DCHS2: variants seen among roughly 807,000 people sequenced by gnomAD.
DCHS2 encodes the protein protocadherin-23.
A neutral mutation model predicts 182.4 loss-of-function variants in DCHS2; 142 were observed. That is an observed-to-expected ratio of 0.78 (90% confidence interval 0.68 to 0.89). The LOEUF (loss-of-function observed/expected upper bound fraction) is 0.89, where lower values mean the gene tolerates loss of function less well. Among genes scored for constraint, DCHS2 ranks in the 40% least tolerant of loss-of-function variants. The pLI, the probability that DCHS2 is intolerant of heterozygous loss-of-function variation, is 0.00. For synonymous variants in DCHS2, 1,740 were observed against 1,663.3 expected (o/e 1.05, Z -1.12); for missense variants, 4,319 against 4,198.6 (o/e 1.03, Z -0.79).
chr4:154,449,498 G>A (rs1025418319), intron 1 of DCHS2, among the ~76,000 whole-genome samples: 5 of 151,806 alleles, frequency 3.3e-5, no homozygotes, highest in Admixed American at 2.6e-4. Context: ...AGCCTCCCTA[G>A]TAGCTGGGAC....
At chr4:154,289,631 CA>C (rs965447220) in intron 13 of DCHS2, among the ~76,000 whole-genome samples, 1 of 151,588 alleles carries the variant, frequency 6.6e-6, no homozygotes, top group Admixed American at 6.6e-5. Flanking sequence ...TAAGAGACAT[CA>C]AAAAAAGAGA....
Position 154,490,438 on chromosome 4 carries a change from G to C in DCHS2, c.918C>G (p.Arg306=), listed in dbSNP as rs1403063544. Residue 306 remains arginine, a synonymous_variant, in exon 1 of 20, where the codon CGC becomes CGG. Transcript: ENST00000357232. ...FEQDEYRAAV[R]EDAQPGAEVC... ...CCTCGGCGCCCGGCTGGGCGTCCTC[G>C]CGCACCGCGGCGCGGTACTCGTCCT... 6.5e-7 allele frequency: 1 copy of C among 1,534,468 alleles called. No homozygotes were observed.
At chr4:154,403,587 T>C (rs568874704) in intron 1 of DCHS2, among the ~76,000 whole-genome samples, 2 of 152,284 alleles carry the variant, frequency 1.3e-5, no homozygotes, top group South Asian at 4.1e-4. Context: ...TCATTAGAGA[T>C]ACTGGCTGTA....
rs1729907935 is a variant in DCHS2, at chr4:154,357,136, C to T, written c.2476+9074G>A. ...CTTTGGCCTGCGAAGTTGTTTAAAA[C>T]TCACTTTCTCATATAGGTGCTTTCA... On this transcript the variant is annotated intron_variant, in intron 3 of 19. Transcript: ENST00000357232. 2.0e-5 allele frequency: 17 copies of T among 856,816 alleles called. No homozygotes were observed. In the South Asian group the frequency reaches 2.6e-4, roughly 13 times the overall value. 53.1% of individuals were successfully genotyped at this position (856,816 alleles called of 1,614,324 possible). A position where few individuals can be genotyped will look rare whatever the true frequency, so the allele number is the denominator to read the frequency against.
chr4:154,389,295 C>A (rs1228890976), intron 1 of DCHS2, among the ~76,000 whole-genome samples: 2 of 151,916 alleles, frequency 1.3e-5, no homozygotes, highest in African/African-American at 4.8e-5. Flanking sequence ...GAGGCTGGAT[C>A]TGGGCCATGT....
chr4:154,482,366 A>G lies in DCHS2; in HGVS notation c.2052+6938T>C, dbSNP rs77728155. ...ATTTTTTTCACAACTTCTTGACACT[A>G]ACAGATGAGAAAGAAGGCCACTTTT... On this transcript the variant is annotated intron_variant, in intron 1 of 19. Transcript: ENST00000357232. Among the ~76,000 whole-genome samples, 75 of 152,320 alleles carry G rather than the reference A, an allele frequency of 4.9e-4. No homozygotes were observed. In the East Asian group the frequency reaches 0.014, roughly 28 times the overall value.
intron 1 of DCHS2, among the ~76,000 whole-genome samples, chr4:154,452,146 C>T (rs1311676283): frequency 6.6e-6 from 1 of 152,102 alleles, no homozygotes; most frequent in Non-Finnish European, 1.5e-5. Context: ...GGTTTGTGCC[C>T]ATGTTGATAT....
At chr4:154,250,966 T>C (rs1732322268) in intron 16 of DCHS2, among the ~76,000 whole-genome samples, 2 of 152,228 alleles carry the variant, frequency 1.3e-5, no homozygotes, top group African/African-American at 4.8e-5. Context: ...CTGTACTACT[T>C]GCTACTTCCA....
rs143833790 is a variant in DCHS2 at position 154,377,388 on chromosome 4, A to G, written c.2109T>C (p.Tyr703=). 1.2e-6 allele frequency: 2 copies of G among 1,613,502 alleles called. No individual in the cohort carries two copies. The highest frequency in any genetic ancestry group is 2.7e-5 in the African/African-American group (2 of 74,880). Residue 703 remains tyrosine (Y), a synonymous_variant, in exon 2 of 20, where the codon TAT becomes TAC. Transcript: ENST00000357232. The stretch of plus-strand genomic sequence containing the variant: ...GTGCTTCATAGCTCAGGAATCCATC[A>G]TAAAGAGAATATTCAATAAAGCCAT... ...GLYGFIEYSL[Y]DGFLSYEAPQ... is the part of the protein sequence containing the mutation.
chr4:154,320,198 G>A (rs1388316539), intron 9 of DCHS2, among the ~76,000 whole-genome samples, 181 bp downstream of exon 9: 1 of 152,092 alleles, frequency 6.6e-6, no homozygotes, highest in African/African-American at 2.4e-5. Flanking sequence ...AGGGAAAATG[G>A]GAGAAACTAA....
chr4:154,473,849 G>A (rs1243943510), intron 1 of DCHS2, among the ~76,000 whole-genome samples: 1 of 152,124 alleles, frequency 6.6e-6, no homozygotes, highest in African/African-American at 2.4e-5. Flanking sequence ...AAACATTTAG[G>A]AAGTAAGTGG....
chr4:154,333,762 C>CCTAGGCTA, intron 4 of DCHS2: 1 of 424,884 alleles, frequency 2.4e-6, no homozygotes, highest in Non-Finnish European at 4.2e-6. Context: ...AGCCTAGGAG[C>CCTAGGCTA]AATCGACTGT....
intron 14 of DCHS2, among the ~76,000 whole-genome samples, chr4:154,264,020 C>A (rs938231541): frequency 5.9e-5 from 9 of 152,028 alleles, no homozygotes; most frequent in South Asian, 2.1e-4. Context: ...TTAGTTTAAG[C>A]CTGAATTTAT....
intron 13 of DCHS2, among the ~76,000 whole-genome samples, chr4:154,277,770 G>A (rs895116409): frequency 6.6e-6 from 1 of 152,124 alleles, no homozygotes; most frequent in African/African-American, 2.4e-5. Context: ...ACTGAGTGCA[G>A]TGGTTCATGC....
chr4:154,279,983 TGAGACA>T (rs1200751505), intron 13 of DCHS2, among the ~76,000 whole-genome samples: 3 of 151,540 alleles, frequency 2.0e-5, no homozygotes, highest in African/African-American at 2.4e-5. Flanking sequence ...GCTAGACTAA[TGAGACA>T]GAGACAGAGA....
At chr4:154,408,033 T>C (rs573503238) in intron 1 of DCHS2, among the ~76,000 whole-genome samples, 3 of 151,916 alleles carry the variant, frequency 2.0e-5, no homozygotes, top group East Asian at 3.9e-4. Flanking sequence ...AAAGTTTCTC[T>C]GGGTTTCTGC....
chr4:154,267,705 T>C (rs555359760), intron 14 of DCHS2, among the ~76,000 whole-genome samples: 5 of 36,644 alleles, frequency 1.4e-4, no homozygotes, highest in Admixed American at 8.0e-4. Flanking sequence ...GGGCATCTTC[T>C]TCCCGAAGCC....
At chr4:154,421,942 T>G (rs1004804998) in intron 1 of DCHS2, among the ~76,000 whole-genome samples, 2 of 152,236 alleles carry the variant, frequency 1.3e-5, no homozygotes, top group Admixed American at 6.5e-5. Context: ...CCAAAGTTGC[T>G]ACATCCAATA....
chr4:154,246,679 A>C (rs1732088907), intron 16 of DCHS2, among the ~76,000 whole-genome samples: 1 of 152,178 alleles, frequency 6.6e-6, no homozygotes, highest in Admixed American at 6.5e-5. Context: ...TGTGCATAAA[A>C]CAAGAGTTGG....
Sources: gnomAD v4.1 joint callset for allele counts (sites outside exome capture counted in the v4.1 genomes callset) on GRCh38, gnomAD v4.1.1 for gene constraint, MANE v1.5 for transcripts, NCBI Gene and HGNC (gene_info 2026-07-23, HGNC 2026-07-21) for gene names.